Variants in CNTNAP5 observed in about 807,000 individuals in gnomAD.
The protein encoded by CNTNAP5 is contactin associated protein family member 5.
In CNTNAP5, 72 loss-of-function variants were observed where a neutral mutation model predicts 150.2. That is an observed-to-expected ratio of 0.48 (90% confidence interval 0.40 to 0.58). CNTNAP5 has a LOEUF of 0.58. Ranked by LOEUF, CNTNAP5 falls within the 20% of genes least tolerant of loss-of-function variation. The pLI, the probability that CNTNAP5 is intolerant of heterozygous loss-of-function variation, is 0.00. For synonymous variants in CNTNAP5, 672 were observed against 619.8 expected (o/e 1.08, Z -1.25); for missense variants, 1,636 against 1,626.2 (o/e 1.01, Z -0.10).
chr2:124,384,756 T>C (rs1690886062), intron 3 of CNTNAP5, among the ~76,000 whole-genome samples: 1 of 152,204 alleles, frequency 6.6e-6, no homozygotes, highest in South Asian at 2.1e-4. Context: ...TTCTTGTCCC[T>C]CCGCTTTGTT....
At chr2:124,602,183 A>C (rs1171518786) in intron 11 of CNTNAP5, among the ~76,000 whole-genome samples, 1 of 151,906 alleles carries the variant, frequency 6.6e-6, no homozygotes, top group East Asian at 2.0e-4. Context: ...CTCTATGAAA[A>C]ATACAAAAAG....
intron 10 of CNTNAP5, among the ~76,000 whole-genome samples, chr2:124,553,355 T>G (rs973476712): frequency 6.6e-6 from 1 of 151,984 alleles, no homozygotes; most frequent in Admixed American, 6.6e-5. Flanking sequence ...AATACAAATA[T>G]TAGCTGGGCA....
At chr2:124,170,620 G>T (rs764432057) in intron 1 of CNTNAP5, among the ~76,000 whole-genome samples, 5 of 152,162 alleles carry the variant, frequency 3.3e-5, no homozygotes, top group Admixed American at 3.3e-4. Flanking sequence ...CGGTGGTGAG[G>T]TGCATTTGGG....
intron 1 of CNTNAP5, among the ~76,000 whole-genome samples, chr2:124,218,224 G>A (rs1446958829): frequency 6.6e-6 from 1 of 152,150 alleles, no homozygotes; most frequent in Non-Finnish European, 1.5e-5. Context: ...ACCTTGAGCA[G>A]TAGGATATAG....
intron 19 of CNTNAP5, among the ~76,000 whole-genome samples, chr2:124,833,090 T>C (rs1682751711): frequency 6.6e-6 from 1 of 151,844 alleles, no homozygotes; most frequent in Non-Finnish European, 1.5e-5. Flanking sequence ...TTGAAGTATT[T>C]GTAAAGATGA....
chr2:124,249,595 G>A (rs924188304), intron 3 of CNTNAP5, among the ~76,000 whole-genome samples: 1 of 152,122 alleles, frequency 6.6e-6, no homozygotes, highest in Non-Finnish European at 1.5e-5. Context: ...GGGTTGTCCC[G>A]CCTTTATGAA....
chr2:124,563,450 G>A (rs1558955649), intron 11 of CNTNAP5, 127 bp downstream of exon 11: 2 of 639,280 alleles, frequency 3.1e-6, no homozygotes, highest in Non-Finnish European at 5.6e-6. Flanking sequence ...TGTGTTTTAA[G>A]AGGTTATTAT....
intron 3 of CNTNAP5, among the ~76,000 whole-genome samples, chr2:124,248,853 T>C (rs1323927821): frequency 6.6e-6 from 1 of 152,202 alleles, no homozygotes; most frequent in African/African-American, 2.4e-5. Flanking sequence ...TGGTTGCATG[T>C]GTAGTGGGAT....
rs1157512635 is a variant in CNTNAP5 at position 124,747,461 on chromosome 2, G to A, written c.2234+76G>A. ...ATGCATAAAATTCCCCAAGACAGAA[G>A]GACATGGATGAGAAATTCAATACAA... On this transcript the variant is annotated intron_variant, in intron 14 of 23. Coordinates refer to ENST00000682447, the MANE Select transcript of CNTNAP5 (RefSeq NM_001367498.1). 3.3e-6 allele frequency: 5 copies of A among 1,527,652 alleles called. No individual in the cohort carries two copies. In the African/African-American group the frequency reaches 6.8e-5, roughly 21 times the overall value. The allele number at this position is 1,527,652 out of a possible 1,614,324, so 94.6% of individuals were successfully genotyped here.
chr2:124,858,154 A>T (rs1004601627), intron 19 of CNTNAP5, among the ~76,000 whole-genome samples: 1 of 152,188 alleles, frequency 6.6e-6, no homozygotes, highest in African/African-American at 2.4e-5. Context: ...CAAGACTGGG[A>T]TGCCCTCTCT....
At chr2:124,855,901 A>G (rs940086316) in intron 19 of CNTNAP5, among the ~76,000 whole-genome samples, 1 of 152,068 alleles carries the variant, frequency 6.6e-6, no homozygotes, top group Non-Finnish European at 1.5e-5. Context: ...AGTCCATTGT[A>G]TCATTCTTAT....
chr2:124,694,448 G>A (rs1475968463), intron 13 of CNTNAP5, among the ~76,000 whole-genome samples: 1 of 152,106 alleles, frequency 6.6e-6, no homozygotes, highest in Admixed American at 6.6e-5. Flanking sequence ...GAAATATCAG[G>A]TGCTTAAACA....
intron 10 of CNTNAP5, among the ~76,000 whole-genome samples, chr2:124,543,036 T>A (rs552249323): frequency 6.6e-6 from 1 of 152,292 alleles, no homozygotes; most frequent in South Asian, 2.1e-4. Flanking sequence ...TCTTTTCTCA[T>A]CTTGAAAACT....
At chr2:124,421,825 C>T (rs1000208223) in intron 4 of CNTNAP5, among the ~76,000 whole-genome samples, 1 of 152,118 alleles carries the variant, frequency 6.6e-6, no homozygotes, top group Non-Finnish European at 1.5e-5. Context: ...CAGAGAAGTC[C>T]CCCCGACTGT....
At chr2:124,704,523 T>C (rs1679592811) in intron 13 of CNTNAP5, among the ~76,000 whole-genome samples, 1 of 152,210 alleles carries the variant, frequency 6.6e-6, no homozygotes, top group African/African-American at 2.4e-5. Context: ...CTTAAATATG[T>C]TTATGCAGAA....
At chr2:124,506,833 A>G (rs761881824) in intron 8 of CNTNAP5, among the ~76,000 whole-genome samples, 2 of 152,150 alleles carry the variant, frequency 1.3e-5, no homozygotes, top group Non-Finnish European at 2.9e-5. Context: ...GTCACAATTG[A>G]ATTGCCAATG....
intron 12 of CNTNAP5, among the ~76,000 whole-genome samples, chr2:124,626,330 C>T (rs370447419): frequency 1.5e-4 from 23 of 152,170 alleles, no homozygotes; most frequent in African/African-American, 3.9e-4. Context: ...CCCAGTGAGA[C>T]GAATGCAGAA....
intron 3 of CNTNAP5, among the ~76,000 whole-genome samples, chr2:124,252,801 A>G (rs978696514): frequency 3.3e-5 from 5 of 152,178 alleles, no homozygotes; most frequent in Non-Finnish European, 5.9e-5. Context: ...TTATAAAAAA[A>G]TTTGAGGTAT....
At chr2:124,724,288 A>G (rs1034670544) in intron 13 of CNTNAP5, among the ~76,000 whole-genome samples, 2 of 152,094 alleles carry the variant, frequency 1.3e-5, no homozygotes, top group African/African-American at 4.8e-5. Context: ...GGTTGATTAT[A>G]AAGAATACTG....
Sources: allele counts gnomAD v4.1 joint callset (sites outside exome capture counted in the v4.1 genomes callset), GRCh38; gene constraint gnomAD v4.1.1; transcripts MANE v1.5; gene names NCBI Gene and HGNC (gene_info 2026-07-23, HGNC 2026-07-21).